The following GRID1 variants were observed in gnomAD, a reference collection of about 807,000 sequenced individuals.
GRID1 encodes glutamate receptor ionotropic, delta-1.
GRID1 carries 28 observed loss-of-function variants against 98.0 expected under a neutral mutation model. The observed-to-expected ratio is 0.29, with a 90% confidence interval of 0.21 to 0.39. The LOEUF is 0.39. GRID1 is among the 10% of genes least tolerant of loss of function. The pLI, the probability that GRID1 is intolerant of heterozygous loss-of-function variation, is 1.00. For synonymous variants in GRID1, 553 were observed against 538.5 expected (o/e 1.03, Z -0.37); for missense variants, 1,111 against 1,340.5 (o/e 0.83, Z 2.67).
intron 4 of GRID1, among the ~76,000 whole-genome samples, chr10:86,032,306 G>A (rs148805642): frequency 0.042 from 6,467 of 152,236 alleles, 406 homozygotes; most frequent in African/African-American, 0.14. Flanking sequence ...CTGCCCAGCT[G>A]CCACCCCATC....
chr10:86,288,799 C>T (rs1181447978), intron 2 of GRID1, among the ~76,000 whole-genome samples: 1 of 152,254 alleles, frequency 6.6e-6, no homozygotes, highest in Non-Finnish European at 1.5e-5. Flanking sequence ...CTTCTATGAG[C>T]AGGGCCGACT....
At chr10:85,773,830 CA>C (rs1401051888) in intron 8 of GRID1, among the ~76,000 whole-genome samples, 1 of 152,080 alleles carries the variant, frequency 6.6e-6, no homozygotes, top group Non-Finnish European at 1.5e-5. Flanking sequence ...AAAGAGGATA[CA>C]AAGAAATGGA....
intron 5 of GRID1, among the ~76,000 whole-genome samples, chr10:85,908,842 A>G (rs1841497465): frequency 6.6e-6 from 1 of 152,206 alleles, no homozygotes. Flanking sequence ...AAAGACAGAA[A>G]AAAATAGATC....
intron 12 of GRID1, among the ~76,000 whole-genome samples, chr10:85,700,923 T>C (rs1753163099): frequency 6.6e-6 from 1 of 152,174 alleles, no homozygotes; most frequent in African/African-American, 2.4e-5. Context: ...TGGATTGCAA[T>C]CATTATTGAA....
At chr10:86,219,611 AGAGT>A (rs1197262171) in intron 2 of GRID1, among the ~76,000 whole-genome samples, 1 of 152,160 alleles carries the variant, frequency 6.6e-6, no homozygotes, top group Non-Finnish European at 1.5e-5. Context: ...CCCCCGTCCC[AGAGT>A]GAGGGCAGGA....
chr10:86,205,304 G>A (rs1029325700), intron 3 of GRID1, among the ~76,000 whole-genome samples: 5 of 152,174 alleles, frequency 3.3e-5, no homozygotes, highest in Admixed American at 2.6e-4. Flanking sequence ...CACCAGCCGT[G>A]GGGCTGCCAA....
intron 12 of GRID1, among the ~76,000 whole-genome samples, chr10:85,704,968 C>T (rs560988444): frequency 4.6e-5 from 7 of 152,246 alleles, no homozygotes; most frequent in Admixed American, 4.6e-4. Context: ...ACATTCAAAG[C>T]AGTGTGTAGA....
At chr10:86,174,869 C>T (rs965159752) in intron 3 of GRID1, among the ~76,000 whole-genome samples, 1 of 152,072 alleles carries the variant, frequency 6.6e-6, no homozygotes, top group Non-Finnish European at 1.5e-5. Context: ...GACATTTATG[C>T]AGCCAAAAAA....
chr10:85,738,094 AG>A (rs1368415109), intron 8 of GRID1, among the ~76,000 whole-genome samples: 1 of 152,182 alleles, frequency 6.6e-6, no homozygotes, highest in Non-Finnish European at 1.5e-5. Context: ...TGGATGGAGC[AG>A]GAAAAAGAAA....
intron 12 of GRID1, among the ~76,000 whole-genome samples, chr10:85,656,561 C>T (rs76223526): frequency 0.037 from 5,621 of 152,274 alleles, 136 homozygotes; most frequent in Middle Eastern, 0.048. Flanking sequence ...ACTAAACATG[C>T]TCAAACTTGA....
intron 13 of GRID1, among the ~76,000 whole-genome samples, chr10:85,643,398 C>T (rs747692797): frequency 2.6e-5 from 4 of 152,134 alleles, no homozygotes; most frequent in Admixed American, 6.6e-5. Context: ...GGATTCAAGT[C>T]GTCATCCTCA....
intron 2 of GRID1, among the ~76,000 whole-genome samples, chr10:86,289,003 A>G (rs1230070310): frequency 1.1e-4 from 16 of 152,196 alleles, no homozygotes; most frequent in Admixed American, 1.0e-3. Context: ...GTGAACAAAA[A>G]TATGTGTAGA....
chr10:86,074,421 T>A (rs1843851261), intron 4 of GRID1, among the ~76,000 whole-genome samples: 1 of 152,224 alleles, frequency 6.6e-6, no homozygotes. Context: ...ACATGTGATA[T>A]TTGCCTTTTT....
chr10:85,673,534 C>T (rs1841110906), intron 12 of GRID1, among the ~76,000 whole-genome samples: 1 of 152,164 alleles, frequency 6.6e-6, no homozygotes, highest in African/African-American at 2.4e-5. Flanking sequence ...TTAGCAATAC[C>T]ACTCTGATCA....
intron 4 of GRID1, among the ~76,000 whole-genome samples, chr10:86,062,834 G>A (rs904930771): frequency 9.2e-5 from 14 of 152,344 alleles, no homozygotes; most frequent in East Asian, 7.7e-4. Context: ...TCCTGTGGCC[G>A]TGGCTGACCA....
At chr10:85,842,935 A>G (rs1294108759) in intron 8 of GRID1, among the ~76,000 whole-genome samples, 2 of 151,958 alleles carry the variant, frequency 1.3e-5, no homozygotes, top group African/African-American at 4.8e-5. Context: ...ATAGTACAAC[A>G]GCGAAAAAAC....
intron 2 of GRID1, among the ~76,000 whole-genome samples, chr10:86,313,889 A>G (rs1847865056): frequency 6.6e-6 from 1 of 152,142 alleles, no homozygotes; most frequent in Admixed American, 6.5e-5. Context: ...CCATGCTATT[A>G]CAACAAAACC....
chr10:85,744,017 A>T (rs1391686859), intron 8 of GRID1, among the ~76,000 whole-genome samples: 1 of 152,208 alleles, frequency 6.6e-6, no homozygotes, highest in Non-Finnish European at 1.5e-5. Flanking sequence ...TTTTATTCTC[A>T]GTGTTTTCTA....
intron 8 of GRID1, among the ~76,000 whole-genome samples, chr10:85,826,321 C>T (rs1389914599): frequency 6.6e-6 from 1 of 152,100 alleles, no homozygotes; most frequent in Non-Finnish European, 1.5e-5. Context: ...GGCGACAGAG[C>T]GAGACTCCGT....
Sources: gnomAD v4.1 joint callset for allele counts (sites outside exome capture counted in the v4.1 genomes callset) on GRCh38, gnomAD v4.1.1 for gene constraint, MANE v1.5 for transcripts, NCBI Gene and HGNC (gene_info 2026-07-23, HGNC 2026-07-21) for gene names.